NFIB: variants seen among roughly 807,000 people sequenced by gnomAD.
The protein encoded by NFIB is nuclear factor 1 B-type.
NFIB carries 11 observed loss-of-function variants against 61.5 expected under a neutral mutation model. That is an observed-to-expected ratio of 0.18 (90% confidence interval 0.11 to 0.30). The LOEUF is 0.30. NFIB is among the 10% of genes least tolerant of loss of function. The pLI is 1.00. For synonymous variants in NFIB, 260 were observed against 216.5 expected (o/e 1.20, Z -1.76); for missense variants, 471 against 608.9 (o/e 0.77, Z 2.38).
intron 2 of NFIB, among the ~76,000 whole-genome samples, chr9:14,261,476 G>A (rs191806828): frequency 3.0e-4 from 46 of 152,306 alleles, no homozygotes; most frequent in Admixed American, 7.8e-4. Flanking sequence ...TAGGGGCCAA[G>A]GGAAAACATC....
At chr9:14,274,815 G>A (rs2057883071) in intron 2 of NFIB, among the ~76,000 whole-genome samples, 1 of 152,166 alleles carries the variant, frequency 6.6e-6, no homozygotes, top group African/African-American at 2.4e-5. Flanking sequence ...CATGCTAAAG[G>A]ACAACCATCG....
chr9:14,204,470 A>C (rs1304751508), intron 2 of NFIB: 3 of 1,041,398 alleles, frequency 2.9e-6, no homozygotes, highest in Non-Finnish European at 4.5e-6. Flanking sequence ...TAAGCGACTG[A>C]AAATGCCTCC....
chr9:14,197,712 G>T (rs537640043), intron 2 of NFIB, among the ~76,000 whole-genome samples: 1 of 152,348 alleles, frequency 6.6e-6, no homozygotes, highest in African/African-American at 2.4e-5. Context: ...CCAAATTAGT[G>T]TGGTGTTTCT....
At chr9:14,355,355 A>G (rs2061163688) in intron 1 of NFIB, among the ~76,000 whole-genome samples, 1 of 152,104 alleles carries the variant, frequency 6.6e-6, no homozygotes, top group Non-Finnish European at 1.5e-5. Context: ...GAAGAAACCA[A>G]CCCTGCTGAC....
At chr9:14,175,279 C>T (rs1201168379) in intron 3 of NFIB, among the ~76,000 whole-genome samples, 6 of 149,152 alleles carry the variant, frequency 4.0e-5, no homozygotes, top group Non-Finnish European at 5.9e-5. Context: ...GTTCACGCCA[C>T]TCTCCTGCCT....
At chr9:14,361,815 G>A (rs1361654627) in intron 1 of NFIB, 1 of 152,152 alleles carries the variant, frequency 6.6e-6, no homozygotes, top group Non-Finnish European at 1.5e-5. Flanking sequence ...ACCAATGACA[G>A]GAGTAAACAG....
At chr9:14,189,364 G>A (rs1237992092) in intron 2 of NFIB, among the ~76,000 whole-genome samples, 3 of 152,172 alleles carry the variant, frequency 2.0e-5, no homozygotes, top group East Asian at 1.9e-4. Flanking sequence ...GCACTAGCAC[G>A]CTGACTCTAA....
chr9:14,456,102 A>G, the NFIB span, among the ~76,000 whole-genome samples: 46 of 152,310 alleles, frequency 3.0e-4, no homozygotes, highest in African/African-American at 1.0e-3. Context: ...ACTAGATTCG[A>G]TCATAATACC....
At chr9:14,455,723 A>G in the NFIB span, among the ~76,000 whole-genome samples, 2 of 152,210 alleles carry the variant, frequency 1.3e-5, no homozygotes, top group African/African-American at 4.8e-5. Context: ...GAAGCTATAC[A>G]TTCAAAGTGA....
chr9:14,465,580 C>T, the NFIB span, among the ~76,000 whole-genome samples: 1 of 146,798 alleles, frequency 6.8e-6, no homozygotes, highest in Admixed American at 6.7e-5. Context: ...GTTACACACA[C>T]ACACACACAC....
At chr9:14,378,218 A>G (rs1301025665) in intron 1 of NFIB, among the ~76,000 whole-genome samples, 2 of 152,232 alleles carry the variant, frequency 1.3e-5, no homozygotes, top group Non-Finnish European at 2.9e-5. Flanking sequence ...CATTTCATAA[A>G]GGAATGCACG....
chr9:14,088,284 A>G lies in NFIB; in HGVS notation c.*25T>C, dbSNP rs1480178370. On this transcript the variant is annotated 3_prime_UTR_variant, in exon 11 of 11. Coordinates refer to ENST00000380953, the MANE Select transcript of NFIB (RefSeq NM_001190737.2). ...CATTGGCCGGTAAGATGGGTGTCCT[A>G]TTTGACACTTGGAAAGGAACCAAGC... 1 of 1,599,292 alleles carries G rather than the reference A, an allele frequency of 6.3e-7. No homozygotes were observed. The highest frequency in any genetic ancestry group is 1.7e-5 in the Admixed American group (1 of 59,368).
chr9:14,338,221 C>T (rs1588330303), intron 1 of NFIB, among the ~76,000 whole-genome samples: 1 of 152,168 alleles, frequency 6.6e-6, no homozygotes, highest in South Asian at 2.1e-4. Flanking sequence ...GGTGAAACCC[C>T]ATCTCTACTA....
At chr9:14,249,311 TGGA>T (rs1722422586) in intron 2 of NFIB, among the ~76,000 whole-genome samples, 1 of 152,218 alleles carries the variant, frequency 6.6e-6, no homozygotes, top group African/African-American at 2.4e-5. Flanking sequence ...TAGTAAGTGG[TGGA>T]GATGAGATAC....
At chr9:14,096,239 A>G (rs2034766824) in intron 10 of NFIB, 1 of 152,184 alleles carries the variant, frequency 6.6e-6, no homozygotes, top group Non-Finnish European at 1.5e-5. Flanking sequence ...TTTCACTACA[A>G]AGGGTTAATC....
upstream of NFIB, among the ~76,000 whole-genome samples, chr9:14,316,101 A>T (rs2060532644): frequency 6.6e-6 from 1 of 152,144 alleles, no homozygotes; most frequent in African/African-American, 2.4e-5. Flanking sequence ...GACCTGGAGG[A>T]ACCAGTGACT....
intron 2 of NFIB, among the ~76,000 whole-genome samples, chr9:14,218,687 G>A (rs1164913168): frequency 1.3e-5 from 2 of 152,314 alleles, no homozygotes; most frequent in East Asian, 1.9e-4. Context: ...ACCAGATTTG[G>A]TTGGGGGTTT....
chr9:14,401,991 C>T (rs187201133), upstream of NFIB, among the ~76,000 whole-genome samples: 62 of 152,208 alleles, frequency 4.1e-4, no homozygotes, highest in Admixed American at 2.9e-3. Context: ...TCTTAGTGTA[C>T]GTGTGCATGT....
At chr9:14,367,459 G>A (rs1260234173) in intron 1 of NFIB, among the ~76,000 whole-genome samples, 1 of 151,938 alleles carries the variant, frequency 6.6e-6, no homozygotes, top group East Asian at 2.0e-4. Flanking sequence ...AAACAGAAGG[G>A]CACATCTGAG....
Sources: gnomAD v4.1 joint callset for allele counts (sites outside exome capture counted in the v4.1 genomes callset) on GRCh38, gnomAD v4.1.1 for gene constraint, MANE v1.5 for transcripts, NCBI Gene and HGNC (gene_info 2026-07-23, HGNC 2026-07-21) for gene names.